CHM: variants seen among roughly 807,000 people sequenced by gnomAD.
CHM encodes the protein rab proteins geranylgeranyltransferase component A 1.
Under a neutral mutation model 49.0 loss-of-function variants are expected in CHM, and 10 were observed. That is an observed-to-expected ratio of 0.20 (90% confidence interval 0.13 to 0.35). The LOEUF (loss-of-function observed/expected upper bound fraction) is 0.35. Among genes scored for constraint, CHM ranks in the 10% least tolerant of loss-of-function variants. The pLI is 1.00. For synonymous variants in CHM, 184 were observed against 167.5 expected, an observed-to-expected ratio of 1.10 and a Z score of -0.76; for missense variants, 455 against 478.4, an observed-to-expected ratio of 0.95 and a Z score of 0.46.
At position 85,976,913 on chromosome X, in the gene CHM, C is replaced by G. The variant is rs774766558; in HGVS notation, c.314+1854G>C. 1.3e-3 allele frequency among the ~76,000 whole-genome samples: 134 copies of G among 103,530 alleles called. 4 individuals carry two copies. Among genetic ancestry groups the G allele is most frequent in the East Asian group, 5.9e-4 (2 of 3,368 alleles). The allele number at this position is 103,530 out of a possible 115,157, so 89.9% of individuals were successfully genotyped here. ...ACACACACACACACACACACACACACAGAAAGAAAATGAGGTTGTCAGAAA... is the reference window on the plus strand; with the variant it reads ...ACACACACACACACACACACACACAGAGAAAGAAAATGAGGTTGTCAGAAA... On this transcript the variant is annotated intron_variant, in intron 4 of 14. Coordinates refer to ENST00000357749, the MANE Select transcript of CHM (RefSeq NM_000390.4).
intron 2 of CHM, among the ~76,000 whole-genome samples, chrX:86,012,634 C>T (rs1212282693): frequency 9.0e-6 from 1 of 111,624 alleles, no homozygotes; most frequent in Non-Finnish European, 1.9e-5. Flanking sequence ...CCCGCTGGAA[C>T]CTTTTGCAGA....
At chrX:86,039,588 G>T (rs1934381505) in intron 1 of CHM, among the ~76,000 whole-genome samples, 1 of 109,090 alleles carries the variant, frequency 9.2e-6, no homozygotes, top group Admixed American at 9.8e-5. Context: ...GGGACAGGAG[G>T]CAGGGAAATT....
chrX:85,958,278 T>G (rs751788278), intron 6 of CHM, among the ~76,000 whole-genome samples: 2 of 110,291 alleles, frequency 1.8e-5, no homozygotes, highest in East Asian at 5.7e-4. Flanking sequence ...CCTATGTACA[T>G]GTTAGTACAT....
intron 4 of CHM, among the ~76,000 whole-genome samples, chrX:85,975,564 T>C (rs1931208746): frequency 1.8e-5 from 2 of 112,296 alleles, no homozygotes; most frequent in African/African-American, 6.5e-5. Context: ...AAACATTACA[T>C]ACTATACAGT....
At chrX:85,968,136 G>A (rs769438798) in intron 4 of CHM, among the ~76,000 whole-genome samples, 1 of 111,739 alleles carries the variant, frequency 8.9e-6, no homozygotes, top group East Asian at 2.8e-4. Context: ...CTGCTACCCA[G>A]CTGTTTATTC....
At position 85,864,361 on chromosome X, in the gene CHM, G is replaced by T; in HGVS notation, c.*269C>A. 1 of 347,849 alleles carries T rather than the reference G, an allele frequency of 2.9e-6. No individual in the cohort carries two copies. Among genetic ancestry groups the T allele is most frequent in the African/African-American group, 2.6e-5 (1 of 39,061 alleles). 28.7% of individuals were successfully genotyped at this position (347,849 alleles called of 1,213,427 possible). A position where few individuals can be genotyped will look rare whatever the true frequency, so the allele number is the denominator to read the frequency against. ...GCATAGGATCACTTTCATATCCACA[G>T]TTACATTCCTGAGAATCAATTGATT... is the stretch of plus-strand genomic sequence containing the variant. On this transcript the variant is annotated 3_prime_UTR_variant, in exon 15 of 15. Transcript: ENST00000357749.
rs756151159 is a variant in CHM, at chrX:85,879,632, T to TA, written c.1511-570dup. Among the ~76,000 whole-genome samples, 6 of 111,680 alleles carry TA rather than the reference T, an allele frequency of 5.4e-5. No homozygotes were observed. The South Asian group carries it at 1.9e-3, about 35-fold the overall frequency. ...CCTGAATCTTGGAGAATGTTTATGTTAGAGAAAATCACGTACAAACAAGGC... is the reference window on the plus strand; with the variant it reads ...CCTGAATCTTGGAGAATGTTTATGTTAAGAGAAAATCACGTACAAACAAGGC... On this transcript the variant is annotated intron_variant, in intron 12 of 14. Coordinates refer to ENST00000357749, the MANE Select transcript of CHM (RefSeq NM_000390.4).
At chrX:85,885,181 G>A (rs1363936015) in intron 12 of CHM, among the ~76,000 whole-genome samples, 1 of 110,301 alleles carries the variant, frequency 9.1e-6, no homozygotes, top group African/African-American at 3.3e-5. Flanking sequence ...TACTTAATAT[G>A]TACTTAAAGA....
At chrX:85,908,812 T>A (rs1926756888) in intron 9 of CHM, among the ~76,000 whole-genome samples, 1 of 111,838 alleles carries the variant, frequency 8.9e-6, no homozygotes, top group Admixed American at 9.5e-5. Flanking sequence ...TTTATATTCA[T>A]AAAAGCAGGC....
chrX:85,974,710 G>T (rs1931150730), intron 4 of CHM, among the ~76,000 whole-genome samples: 1 of 108,956 alleles, frequency 9.2e-6, no homozygotes, highest in African/African-American at 3.3e-5. Flanking sequence ...AAAGAACACT[G>T]ATCTAAACGT....
chrX:85,878,930 C>T, intron 13 of CHM, 35 bp downstream of exon 13: 11 of 976,520 alleles, frequency 1.1e-5, no homozygotes, highest in Non-Finnish European at 1.5e-5. Flanking sequence ...GGTTACATTA[C>T]CTTTCCATCA....
At chrX:85,900,864 T>C in intron 10 of CHM, among the ~76,000 whole-genome samples, 155 bp from the exon 11 acceptor site, 1 of 111,905 alleles carries the variant, frequency 8.9e-6, no homozygotes, top group Middle Eastern at 4.6e-3. Flanking sequence ...AATCTTTCCT[T>C]GGCTCATGAA....
intron 8 of CHM, among the ~76,000 whole-genome samples, chrX:85,939,532 G>A (rs757635984): frequency 1.4e-4 from 16 of 112,144 alleles, no homozygotes; most frequent in Admixed American, 1.1e-3. Context: ...ATGCATATAT[G>A]TACTCATTTA....
Position 85,870,247 on chromosome X carries a change from A to C in CHM, c.1770+2805T>G, listed in dbSNP as rs139257204. Among the ~76,000 whole-genome samples the C allele has an allele frequency of 8.8e-3, 990 of 112,294 alleles. 8 individuals carry two copies. The highest frequency in any genetic ancestry group is 0.029 in the African/African-American group (904 of 30,940). ...ATATATATGAGATGCTAAGGATAGA[A>C]TCTGACACACAGAAAGTGCTCAAAT... On this transcript the variant is annotated intron_variant, in intron 14 of 14. Coordinates refer to ENST00000357749, the MANE Select transcript of CHM (RefSeq NM_000390.4).
intron 12 of CHM, among the ~76,000 whole-genome samples, chrX:85,881,807 T>G (rs73504279): frequency 0.028 from 3,182 of 111,793 alleles, 102 homozygotes; most frequent in African/African-American, 0.098. Context: ...TCAGTGAAAT[T>G]TTACTTATTC....
intron 2 of CHM, among the ~76,000 whole-genome samples, chrX:86,000,058 T>C (rs1932626917): frequency 9.0e-6 from 1 of 111,604 alleles, no homozygotes; most frequent in Non-Finnish European, 1.9e-5. Flanking sequence ...AAGTCATGAA[T>C]GTAATACACG....
intron 1 of CHM, among the ~76,000 whole-genome samples, chrX:86,030,798 C>T (rs190801851): frequency 1.8e-5 from 2 of 110,224 alleles, no homozygotes; most frequent in Admixed American, 9.7e-5. Context: ...TGGAAAGGAG[C>T]ATTCCTGGCA....
intron 8 of CHM, among the ~76,000 whole-genome samples, chrX:85,933,340 T>C (rs986770015): frequency 1.8e-5 from 2 of 112,391 alleles, no homozygotes; most frequent in Non-Finnish European, 3.8e-5. Flanking sequence ...GTGCCAGATA[T>C]TATTCTAAGA....
chrX:85,938,784 G>T (rs1367947846), intron 8 of CHM, among the ~76,000 whole-genome samples: 1 of 110,500 alleles, frequency 9.0e-6, no homozygotes, highest in Non-Finnish European at 1.9e-5. Flanking sequence ...TCTTAATCTA[G>T]CCAGCCTTCC....
Sources: gnomAD v4.1 joint callset for allele counts (sites outside exome capture counted in the v4.1 genomes callset) on GRCh38, gnomAD v4.1.1 for gene constraint, MANE v1.5 for transcripts, NCBI Gene and HGNC (gene_info 2026-07-23, HGNC 2026-07-21) for gene names.